F2: variants seen among roughly 807,000 people sequenced by gnomAD.
F2 encodes the protein coagulation factor II, thrombin.
A neutral mutation model predicts 81.9 loss-of-function variants in F2; 34 were observed. That is an observed-to-expected ratio of 0.42 (90% CI 0.32 to 0.55). The LOEUF is 0.55. F2 is among the 20% of genes least tolerant of loss of function. The pLI is 0.18. For synonymous variants in F2, 296 were observed against 326.4 expected, an observed-to-expected ratio of 0.91 and a Z score of 1.01; for missense variants, 630 against 833.4, an observed-to-expected ratio of 0.76 and a Z score of 3.00.
rs772667220 is a variant in F2, at chr11:46,719,685, C to T, written c.80-17C>T. 1.9e-6 allele frequency: 3 copies of T among 1,579,798 alleles called. No individual in the cohort carries two copies. Among genetic ancestry groups the T allele is most frequent in the African/African-American group, 1.3e-5 (1 of 74,290 alleles). On this transcript the variant is annotated splice_polypyrimidine_tract_variant and intron_variant, in intron 1 of 13. Transcript: ENST00000311907. The surrounding 1 kb of genome is among the most constrained non-coding windows in gnomAD (Gnocchi z 4.7). ...TTCCTGAGGCCGCTGTCCCATGACC[C>T]CCCCACCGCCTTACAGTGTTCCTGG...
At position 46,726,833 on chromosome 11, in the gene F2, C is replaced by G. The variant is rs2134533337; in HGVS notation, c.1126C>G (p.Pro376Ala). Residue 376 changes from proline to alanine, a missense_variant, in exon 9 of 14, where the codon CCT (proline) becomes GCT (alanine). By Grantham distance (27) the Pro-to-Ala change is conservative. Coordinates refer to ENST00000311907, the MANE Select transcript of F2 (RefSeq NM_000506.5). This position sits in a 1 kb window ranked among gnomAD's most constrained non-coding sequence, Gnocchi z 5.9. ...EGSDAEIGMSPWQVMLFRKSP... is the reference protein window; with the variant it reads ...EGSDAEIGMSAWQVMLFRKSP... Reference sequence around the variant, plus strand: ...CTCGGATGCAGAGATCGGCATGTCACCTTGGTGTGTCCTGGAGCCCTGCGC... The same window carrying G: ...CTCGGATGCAGAGATCGGCATGTCAGCTTGGTGTGTCCTGGAGCCCTGCGC... 1 of 1,614,066 alleles carries G rather than the reference C, an allele frequency of 6.2e-7. No individual in the cohort carries two copies. Among genetic ancestry groups the G allele is most frequent in the South Asian group, 1.1e-5 (1 of 91,082 alleles).
At position 46,719,274 on chromosome 11, in the gene F2, G is replaced by A. The variant is rs755663766; in HGVS notation, c.39G>A (p.Leu13=). 15 of 1,613,536 alleles carry A rather than the reference G, an allele frequency of 9.3e-6. No individual in the cohort carries two copies. The highest frequency in any genetic ancestry group is 1.3e-5 in the African/African-American group (1 of 74,936). ...HVRGLQLPGC[L]ALAALCSLVH... is the part of the protein sequence containing the mutation. ...GAGGCTTGCAGCTGCCTGGCTGCCTGGCCCTGGCTGCCCTGTGTAGCCTTG... is the reference window on the plus strand; with the variant it reads ...GAGGCTTGCAGCTGCCTGGCTGCCTAGCCCTGGCTGCCCTGTGTAGCCTTG... Residue 13 remains leucine (L), a synonymous_variant, in exon 1 of 14, where the codon CTG becomes CTA. Transcript: ENST00000311907. This position sits in a 1 kb window ranked among gnomAD's most constrained non-coding sequence, Gnocchi z 4.7.
chr11:46,731,235 T>G (rs1464231535), intron 12 of F2, among the ~76,000 whole-genome samples: 1 of 146,538 alleles, frequency 6.8e-6, no homozygotes, highest in African/African-American at 2.5e-5. Flanking sequence ...GAAATTTTTT[T>G]TTTTTTTTGA....
chr11:46,729,579 G>T lies in F2; in HGVS notation c.1654+18G>T, dbSNP rs371099326. 6.2e-7 allele frequency: 1 copy of T among 1,604,980 alleles called. No homozygotes were observed. Among genetic ancestry groups the T allele is most frequent in the East Asian group, 2.2e-5 (1 of 44,556 alleles). ...CTGTGCTGGCAAGTCTGTGCAGGGCGGGCTGAGGGAACAGTGGGGCCCAAG... is the reference window on the plus strand; with the variant it reads ...CTGTGCTGGCAAGTCTGTGCAGGGCTGGCTGAGGGAACAGTGGGGCCCAAG... On this transcript the variant is annotated intron_variant, in intron 12 of 13. Transcript: ENST00000311907.
At chr11:46,736,260 C>T (rs916341190) in intron 12 of F2, among the ~76,000 whole-genome samples, 3 of 152,146 alleles carry the variant, frequency 2.0e-5, no homozygotes, top group African/African-American at 7.2e-5. Flanking sequence ...TCACCTTTAT[C>T]ACATTCTAGA....
Position 46,728,776 on chromosome 11 carries a change from C to T in F2, c.1411C>T (p.Pro471Ser), listed in dbSNP as rs377462682. The change falls in exon 11 of 14, where the codon CCT (proline) becomes TCT (serine). Residue 471 changes from proline to serine, a missense_variant. Coordinates refer to ENST00000311907, the MANE Select transcript of F2 (RefSeq NM_000506.5). This position sits in a 1 kb window ranked among gnomAD's most constrained non-coding sequence, Gnocchi z 5.1. ...CATTGCCCTGATGAAGCTGAAGAAG[C>T]CTGTTGCCTTCAGTGACTACATTCA... is the stretch of plus-strand genomic sequence containing the variant. ...RDIALMKLKK[P>S]VAFSDYIHPV... is the part of the protein sequence containing the mutation. 3.1e-6 allele frequency: 5 copies of T among 1,614,092 alleles called. No individual in the cohort carries two copies. The highest frequency in any genetic ancestry group is 1.7e-5 in the Admixed American group (1 of 60,002).
chr11:46,739,081 C>T lies in F2; in HGVS notation c.1688C>T (p.Ala563Val). 1 of 1,614,124 alleles carries T rather than the reference C, an allele frequency of 6.2e-7. No homozygotes were observed. The highest frequency in any genetic ancestry group is 1.1e-5 in the South Asian group (1 of 91,068). Reference sequence around the variant, plus strand: ...CCTGATGAAGGGAAACGAGGGGATGCCTGTGAAGGTGACAGTGGGGGACCC... The same window carrying T: ...CCTGATGAAGGGAAACGAGGGGATGTCTGTGAAGGTGACAGTGGGGGACCC... ...YKPDEGKRGD[A>V]CEGDSGGPFV... is the part of the protein sequence containing the mutation. Residue 563 changes from alanine to valine, a missense_variant, in exon 13 of 14, where the codon GCC becomes GTC. Coordinates refer to ENST00000311907, the MANE Select transcript of F2 (RefSeq NM_000506.5).
intron 2 of F2, 196 bp downstream of exon 2, chr11:46,720,058 T>A (rs2064826888): frequency 2.8e-6 from 2 of 722,796 alleles, no homozygotes; most frequent in Admixed American, 5.1e-5. Context: ...CTGGACTGTG[T>A]CCCTGTGCAG....
chr11:46,731,020 G>A (rs2064908314), intron 12 of F2, among the ~76,000 whole-genome samples: 1 of 151,456 alleles, frequency 6.6e-6, no homozygotes, highest in East Asian at 1.9e-4. Flanking sequence ...AGGTTCAAGT[G>A]ATTCTCCTGC....
chr11:46,733,057 A>G (rs908436177), intron 12 of F2, among the ~76,000 whole-genome samples: 10 of 152,180 alleles, frequency 6.6e-5, no homozygotes, highest in African/African-American at 2.4e-4. Context: ...CATCTATATA[A>G]AAAACCATGA....
chr11:46,725,785 G>T (rs1238765430), intron 6 of F2, 74 bp from the exon 7 acceptor site: 1 of 1,538,206 alleles, frequency 6.5e-7, no homozygotes, highest in East Asian at 2.2e-5. Flanking sequence ...CAAGACCGGG[G>T]TTCACACCCC....
rs766756950 is a variant in F2, at chr11:46,719,245, G to A, written c.10G>A (p.Val4Ile). Residue 4 changes from valine (V) to isoleucine (I), a missense_variant, in exon 1 of 14, where the codon GTC (valine) becomes ATC (isoleucine). Transcript: ENST00000311907. This position sits in a 1 kb window ranked among gnomAD's most constrained non-coding sequence, Gnocchi z 4.7. MAH[V>I]RGLQLPGCLA... ...CAGGAGCTGACACACTATGGCGCACGTCCGAGGCTTGCAGCTGCCTGGCTG... is the reference window on the plus strand; with the variant it reads ...CAGGAGCTGACACACTATGGCGCACATCCGAGGCTTGCAGCTGCCTGGCTG... 7.7e-5 allele frequency: 125 copies of A among 1,613,746 alleles called. No individual in the cohort carries two copies. Among genetic ancestry groups the A allele is most frequent in the South Asian group, 1.3e-4 (12 of 91,084 alleles).
rs763563461 is a variant in F2 at position 46,727,901 on chromosome 11, GCTGGGTTC to G, written c.1131-94_1131-87del. On this transcript the variant is annotated intron_variant, in intron 9 of 13. Coordinates refer to ENST00000311907, the MANE Select transcript of F2 (RefSeq NM_000506.5). ...TGGGCCCCGGAGGCAGCTCTGCCCA[GCTGGGTTC>G]TTAGACCTGGGATTGTTACTTCTAG... 2.7e-4 allele frequency: 390 copies of G among 1,446,872 alleles called. 3 individuals carry two copies. Among genetic ancestry groups the G allele is most frequent in the Middle Eastern group, 6.3e-4 (3 of 4,762 alleles). 89.6% of individuals were successfully genotyped at this position (1,446,872 alleles called of 1,614,324 possible).
At chr11:46,725,725 C>A in intron 6 of F2, 134 bp from the exon 7 acceptor site, 2 of 1,027,226 alleles carry the variant, frequency 1.9e-6, no homozygotes, top group Non-Finnish European at 1.5e-6. Flanking sequence ...GGCAAACGGT[C>A]AGAAGCCCAG....
chr11:46,730,946 C>T (rs534111282), intron 12 of F2, among the ~76,000 whole-genome samples: 25 of 151,524 alleles, frequency 1.6e-4, no homozygotes, highest in African/African-American at 5.8e-4. Context: ...TTTGACATAG[C>T]TTCGCTGTCA....
intron 12 of F2, among the ~76,000 whole-genome samples, chr11:46,733,303 A>C (rs948413325): frequency 2.0e-5 from 3 of 152,166 alleles, no homozygotes; most frequent in Non-Finnish European, 4.4e-5. Context: ...TCCTGGACTC[A>C]AGCCAGCCTC....
chr11:46,724,008 A>G (rs2064856245), intron 6 of F2, among the ~76,000 whole-genome samples: 1 of 152,126 alleles, frequency 6.6e-6, no homozygotes. Context: ...GGGATCTGCC[A>G]GCCTCCTCCT....
chr11:46,727,373 G>A (rs1446881777), intron 9 of F2, among the ~76,000 whole-genome samples: 1 of 152,202 alleles, frequency 6.6e-6, no homozygotes, highest in Non-Finnish European at 1.5e-5. Context: ...GACGGAGCTG[G>A]TGGCTCACCT....
In F2 at chr11:46,733,782, C is replaced by CTTT. The variant is rs34296052; in HGVS notation, c.1654+4243_1654+4245dup. ...AACATCGTATCATATGATTAAGGACCTTTTTTTTTTTTTTTTTTTTTTTTG... is the reference window on the plus strand; with the variant it reads ...AACATCGTATCATATGATTAAGGACCTTTTTTTTTTTTTTTTTTTTTTTTTTTG... On this transcript the variant is annotated intron_variant, in intron 12 of 13. Coordinates refer to ENST00000311907, the MANE Select transcript of F2 (RefSeq NM_000506.5). Among the ~76,000 whole-genome samples, 652 of 89,796 alleles carry CTTT rather than the reference C, an allele frequency of 7.3e-3. 7 individuals carry two copies. The highest frequency in any genetic ancestry group is 0.023 in the East Asian group (48 of 2,086). 58.9% of individuals were successfully genotyped at this position (89,796 alleles called of 152,430 possible).
Sources: allele counts gnomAD v4.1 joint callset (sites outside exome capture counted in the v4.1 genomes callset), GRCh38; gene constraint gnomAD v4.1.1; non-coding constraint Gnocchi (gnomAD v3.1); transcripts MANE v1.5; gene names NCBI Gene and HGNC (gene_info 2026-07-23, HGNC 2026-07-21).